The following MIER3 variants were observed in gnomAD, a reference collection of about 807,000 sequenced individuals.
MIER3 encodes MIER family member 3.
A neutral mutation model predicts 63.2 loss-of-function variants in MIER3; 9 were observed. The observed-to-expected ratio is 0.14, with a 90% CI of 0.09 to 0.25. The LOEUF (loss-of-function observed/expected upper bound fraction) is 0.25. Among genes scored for constraint, MIER3 ranks in the 10% least tolerant of loss-of-function variants. The pLI is 1.00. For synonymous variants in MIER3, 205 were observed against 224.9 expected, an observed-to-expected ratio of 0.91 and a Z score of 0.79; for missense variants, 512 against 666.2, an observed-to-expected ratio of 0.77 and a Z score of 2.55.
Position 56,922,195 on chromosome 5 carries a change from G to T in MIER3, c.*933C>A, listed in dbSNP as rs1749703429. 1.3e-5 allele frequency: 2 copies of T among 152,652 alleles called. No individual in the cohort carries two copies. Among genetic ancestry groups the T allele is most frequent in the Admixed American group, 1.3e-4 (2 of 15,276 alleles). The allele number at this position is 152,652 out of a possible 1,614,324, so 9.5% of individuals were successfully genotyped here. A position where few individuals can be genotyped will look rare whatever the true frequency, so the allele number is the denominator to read the frequency against. Reference sequence around the variant, plus strand: ...GATGTCCCAAAATGTAAACCATTGAGTGGCAACATCCTAGGCTTTGTAGAC... The same window carrying T: ...GATGTCCCAAAATGTAAACCATTGATTGGCAACATCCTAGGCTTTGTAGAC... On this transcript the variant is annotated 3_prime_UTR_variant, in exon 13 of 13. Transcript: ENST00000381199.
Position 56,937,565 on chromosome 5 carries a change from C to A in MIER3, c.436+13G>T. On this transcript the variant is annotated intron_variant, in intron 5 of 12. Coordinates refer to ENST00000381199, the MANE Select transcript of MIER3 (RefSeq NM_001297599.2). ...AATGTTACTATTTATCAGTAATCCA[C>A]TGGGTTTCTTACATCGTAAAGGCCT... 6.3e-7 allele frequency: 1 copy of A among 1,591,960 alleles called. No homozygotes were observed. The highest frequency in any genetic ancestry group is 1.1e-5 in the South Asian group (1 of 87,226).
chr5:56,931,396 T>C (rs1222462282), intron 8 of MIER3, among the ~76,000 whole-genome samples: 1 of 152,180 alleles, frequency 6.6e-6, no homozygotes, highest in Non-Finnish European at 1.5e-5. Flanking sequence ...ACTTTTAATA[T>C]ATCAATAGCC....
rs906020436 is a variant in MIER3, at chr5:56,933,453, T to C, written c.596-55A>G. 2.1e-5 allele frequency: 32 copies of C among 1,497,484 alleles called. No individual in the cohort carries two copies. In the African/African-American group the frequency reaches 3.0e-4, roughly 14 times the overall value. 92.8% of individuals were successfully genotyped at this position (1,497,484 alleles called of 1,614,324 possible). ...AAAATCATGAACGCACTCAAAGATG[T>C]ACACAAACAATTCTTTGTCTTCCTT... On this transcript the variant is annotated intron_variant, in intron 7 of 12. Transcript: ENST00000381199.
chr5:56,924,035 G>T lies in MIER3; in HGVS notation c.932C>A (p.Thr311Asn). The part of the protein sequence containing the change: ...FHLIQKNKVR[T>N]RTVAECVAFY... The stretch of plus-strand genomic sequence containing the variant: ...TGCTACACACTCAGCAACTGTCCTA[G>T]TTCTCACCTAATGAAAAAGTTGAAT... Residue 311 changes from threonine to asparagine, a missense_variant, in exon 11 of 13, where the codon ACT (threonine) becomes AAT (asparagine). Physicochemically the swap from Thr to Asn is moderately conservative, Grantham distance 65. This residue lies in a region of MIER3 where 34 missense variants were observed against 86.3 expected (regional missense o/e 0.39). Transcript: ENST00000381199. The T allele has an allele frequency of 6.3e-7, 1 of 1,590,696 alleles. No homozygotes were observed. The highest frequency in any genetic ancestry group is 2.2e-5 in the East Asian group (1 of 44,786).
Position 56,938,889 on chromosome 5 carries a change from T to C in MIER3, c.309A>G (p.Leu103=), listed in dbSNP as rs573989876. ...TTCAAATGCTCACACTTACTTTGTCTAGTGTCATGTCTGGTAGTTCATCTG... is the reference window on the plus strand; with the variant it reads ...TTCAAATGCTCACACTTACTTTGTCCAGTGTCATGTCTGGTAGTTCATCTG... ...ELADELPDMT[L]DKEEIAKDLL... is the part of the protein sequence containing the mutation. The change falls in exon 4 of 13, where the codon CTA becomes CTG. Residue 103 remains leucine (L), a synonymous_variant. Coordinates refer to ENST00000381199, the MANE Select transcript of MIER3 (RefSeq NM_001297599.2). 6.2e-7 allele frequency: 1 copy of C among 1,613,906 alleles called. No homozygotes were observed.
rs1238243660 is a variant in MIER3, at chr5:56,930,687, C to T, written c.806G>A (p.Cys269Tyr). 2 of 1,613,744 alleles carry T rather than the reference C, an allele frequency of 1.2e-6. No individual in the cohort carries two copies. The highest frequency in any genetic ancestry group is 1.3e-5 in the African/African-American group (1 of 74,896). The change falls in exon 9 of 13, where the codon TGC becomes TAC. Residue 269 changes from cysteine to tyrosine, a missense_variant. Transcript: ENST00000381199. ...ACCTTGAGAGGCCTTTCCATTGCAG[C>T]AGTATCTTTCGATTGCTTCCTTTAT... ...HNIKEAIERY[C>Y]CNGKASQEGM...
Position 56,923,792 on chromosome 5 carries a change from C to T in MIER3, c.1094G>A (p.Gly365Asp), listed in dbSNP as rs375553373. ...DRLVDETEAL[G>D]GTVNASALTS... ...TAAGGCTGAAGCATTTACCGTCCCACCCAAAGCTTCTGTTTCATCTACTAA... is the reference window on the plus strand; with the variant it reads ...TAAGGCTGAAGCATTTACCGTCCCATCCAAAGCTTCTGTTTCATCTACTAA... The change falls in exon 12 of 13, where the codon GGT becomes GAT. Residue 365 changes from glycine to aspartate, a missense_variant. Gly to Asp is a moderately conservative substitution (Grantham distance 94). Around this residue, in one of 5 missense-constraint regions of MIER3, gnomAD observed 218 missense variants for 251.2 expected, o/e 0.87. Transcript: ENST00000381199. 116 of 1,614,060 alleles carry T rather than the reference C, an allele frequency of 7.2e-5. 1 individual carries two copies. The highest frequency in any genetic ancestry group is 3.5e-4 in the South Asian group (32 of 91,088).
chr5:56,938,733 G>T, intron 4 of MIER3, 150 bp downstream of exon 4: 2 of 961,528 alleles, frequency 2.1e-6, no homozygotes, highest in Non-Finnish European at 3.0e-6. Context: ...GGTGATCAAA[G>T]CCAAACAAAG....
chr5:56,930,750 G>C lies in MIER3; in HGVS notation c.748-5C>G, dbSNP rs937253391. On this transcript the variant is annotated splice_polypyrimidine_tract_variant and splice_region_variant and intron_variant, in intron 8 of 12. Coordinates refer to ENST00000381199, the MANE Select transcript of MIER3 (RefSeq NM_001297599.2). ...CTTGAGAAGTTCATATAATGCCTGG[G>C]ATGGATATTCAATAAAAAGTATTAA... 12 of 1,609,736 alleles carry C rather than the reference G, an allele frequency of 7.5e-6. No homozygotes were observed. Among genetic ancestry groups the C allele is most frequent in the Non-Finnish European group, 1.0e-5 (12 of 1,176,416 alleles).
At chr5:56,947,486 C>T (rs1750865826) in intron 2 of MIER3, among the ~76,000 whole-genome samples, 1 of 152,142 alleles carries the variant, frequency 6.6e-6, no homozygotes, top group South Asian at 2.1e-4. Context: ...CGACTATACA[C>T]TAAGATGCAC....
chr5:56,947,946 A>G (rs1210668418), intron 2 of MIER3, among the ~76,000 whole-genome samples: 1 of 152,258 alleles, frequency 6.6e-6, no homozygotes, highest in Admixed American at 6.5e-5. Context: ...TTATAAAAAA[A>G]CAGGATTTTC....
chr5:56,935,873 C>CTGCA, intron 5 of MIER3, 122 bp from the exon 6 acceptor site: 1 of 686,464 alleles, frequency 1.5e-6, no homozygotes, highest in Non-Finnish European at 2.5e-6. Flanking sequence ...ACTAAACCAC[C>CTGCA]TGCATGTTTC....
intron 7 of MIER3, among the ~76,000 whole-genome samples, chr5:56,935,148 A>T (rs562444356): frequency 6.6e-6 from 1 of 152,186 alleles, no homozygotes; most frequent in South Asian, 2.1e-4. Context: ...GCCAAGGTAC[A>T]GCACCGTGGG....
At chr5:56,939,342 C>T (rs1431409115) in intron 3 of MIER3, among the ~76,000 whole-genome samples, 1 of 152,048 alleles carries the variant, frequency 6.6e-6, no homozygotes, top group Non-Finnish European at 1.5e-5. Flanking sequence ...GCCCTGAAAA[C>T]ATTTCCAATT....
intron 2 of MIER3, 150 bp from the exon 3 acceptor site, chr5:56,947,221 A>C: frequency 1.3e-6 from 1 of 745,870 alleles, no homozygotes; most frequent in East Asian, 3.3e-5. Context: ...GTTATAAATT[A>C]AGACCCCATG....
rs1381471432 is a variant in MIER3, at chr5:56,920,772, T to C, written c.*2356A>G. 3 of 152,270 alleles carry C rather than the reference T, an allele frequency of 2.0e-5. No individual in the cohort carries two copies. The highest frequency in any genetic ancestry group is 2.9e-5 in the Non-Finnish European group (2 of 67,920). 9.4% of individuals were successfully genotyped at this position (152,270 alleles called of 1,614,324 possible). ...ATACATGGCAGAAGTAGTCAGAAAA[T>C]ATTGAATTAGATCTAAAAAGATATG... On this transcript the variant is annotated 3_prime_UTR_variant, in exon 13 of 13. Transcript: ENST00000381199.
At position 56,920,515 on chromosome 5, in the gene MIER3, G is replaced by A. The variant is rs1749621725; in HGVS notation, c.*2613C>T. 6.6e-6 allele frequency: 1 copy of A among 152,348 alleles called. No individual in the cohort carries two copies. The highest frequency in any genetic ancestry group is 6.6e-5 in the Admixed American group (1 of 15,254). The allele number at this position is 152,348 out of a possible 1,614,324, so 9.4% of individuals were successfully genotyped here. A position where few individuals can be genotyped will look rare whatever the true frequency, so the allele number is the denominator to read the frequency against. On this transcript the variant is annotated 3_prime_UTR_variant, in exon 13 of 13. Coordinates refer to ENST00000381199, the MANE Select transcript of MIER3 (RefSeq NM_001297599.2). Reference sequence around the variant, plus strand: ...ATTGTGCTTAACACTTGATAATAAAGGCATTATTGTTTCTTCACATGATTG... The same window carrying A: ...ATTGTGCTTAACACTTGATAATAAAAGCATTATTGTTTCTTCACATGATTG...
chr5:56,949,473 T>C (rs940184661), intron 2 of MIER3, among the ~76,000 whole-genome samples: 1 of 152,214 alleles, frequency 6.6e-6, no homozygotes, highest in Admixed American at 6.5e-5. Context: ...ATCCAGCTGT[T>C]TGACATCATG....
intron 2 of MIER3, among the ~76,000 whole-genome samples, chr5:56,948,021 G>A (rs975206154): frequency 2.0e-5 from 3 of 152,190 alleles, no homozygotes; most frequent in African/African-American, 7.2e-5. Context: ...AGGAAGGAAA[G>A]TATCAGAAAC....
Sources: gnomAD v4.1 joint callset for allele counts (sites outside exome capture counted in the v4.1 genomes callset) on GRCh38, gnomAD v4.1.1 for gene constraint, gnomAD v4.1.1 regional missense constraint, MANE v1.5 for transcripts, NCBI Gene and HGNC (gene_info 2026-07-23, HGNC 2026-07-21) for gene names.